SPAG16: variants seen among roughly 807,000 people sequenced by gnomAD.
SPAG16 encodes sperm-associated antigen 16 protein.
In SPAG16, 86 loss-of-function variants were observed where a neutral mutation model predicts 80.4. The observed-to-expected ratio is 1.07, with a 90% CI of 0.90 to 1.28. The LOEUF is 1.28. Ranked by LOEUF, SPAG16 falls within the 50% of genes most tolerant of loss-of-function variation. The pLI, the probability that SPAG16 is intolerant of heterozygous loss-of-function variation, is 0.00. For synonymous variants in SPAG16, 294 were observed against 265.9 expected (o/e 1.11, Z -1.03); for missense variants, 870 against 765.3 (o/e 1.14, Z -1.61).
chr2:213,757,458 A>G (rs2068405301), intron 10 of SPAG16, among the ~76,000 whole-genome samples: 1 of 152,188 alleles, frequency 6.6e-6, no homozygotes, highest in African/African-American at 2.4e-5. Flanking sequence ...GGATATTACA[A>G]AATTACAGTA....
At position 214,039,637 on chromosome 2, in the gene SPAG16, T is replaced by G. The variant is rs141241297; in HGVS notation, c.1527+25560T>G. 5.3e-4 allele frequency among the ~76,000 whole-genome samples: 80 copies of G among 152,320 alleles called. 1 individual carries two copies. The East Asian group carries it at 0.013, about 25-fold the overall frequency. On this transcript the variant is annotated intron_variant, in intron 13 of 15. Coordinates refer to ENST00000331683, the MANE Select transcript of SPAG16 (RefSeq NM_024532.5). ...TTTCTTTGTTGGATTCTGTGGCACT[T>G]AAAACTGTTTTTCCATAGCATTGAT...
At chr2:214,243,166 T>A (rs1176305517) in intron 15 of SPAG16, among the ~76,000 whole-genome samples, 1 of 152,006 alleles carries the variant, frequency 6.6e-6, no homozygotes, top group Admixed American at 6.6e-5. Context: ...CTCTTTAGAG[T>A]GATAAATGAG....
chr2:214,275,013 G>C (rs774111087), intron 15 of SPAG16, among the ~76,000 whole-genome samples: 1 of 152,076 alleles, frequency 6.6e-6, no homozygotes, highest in Non-Finnish European at 1.5e-5. Context: ...CTTCTTCCTG[G>C]TTTAGTGTTG....
At chr2:213,527,861 G>A (rs564615915) in intron 10 of SPAG16, among the ~76,000 whole-genome samples, 2 of 152,048 alleles carry the variant, frequency 1.3e-5, no homozygotes, top group Non-Finnish European at 2.9e-5. Context: ...GCAGCACATA[G>A]AAGTTTTCTA....
chr2:214,310,389 C>A (rs1695210342), intron 15 of SPAG16, among the ~76,000 whole-genome samples: 2 of 152,148 alleles, frequency 1.3e-5, no homozygotes, highest in African/African-American at 4.8e-5. Context: ...TGAGCCAATT[C>A]ACTCTCTTCT....
chr2:213,776,043 G>T (rs1280409530), intron 10 of SPAG16, among the ~76,000 whole-genome samples: 1 of 152,176 alleles, frequency 6.6e-6, no homozygotes, highest in Non-Finnish European at 1.5e-5. Flanking sequence ...ATTATTTTGT[G>T]TGTAGTTACA....
At chr2:213,455,997 T>G (rs2071987256) in intron 9 of SPAG16, among the ~76,000 whole-genome samples, 1 of 152,214 alleles carries the variant, frequency 6.6e-6, no homozygotes, top group African/African-American at 2.4e-5. Context: ...GGGAATAAGC[T>G]TGTCCATTCC....
In SPAG16 at chr2:213,721,419, T is replaced by C. The variant is rs540762881; in HGVS notation, c.1071-141066T>C. 2.0e-5 allele frequency among the ~76,000 whole-genome samples: 3 copies of C among 152,344 alleles called. No individual in the cohort carries two copies. In the East Asian group the frequency reaches 5.8e-4, roughly 29 times the overall value. On this transcript the variant is annotated intron_variant, in intron 10 of 15. Transcript: ENST00000331683. Reference sequence around the variant, plus strand: ...TGGCCTATAATTCCAATTTTAGCAGTATATCTTGCTAATCAACCAAAAGGA... The same window carrying C: ...TGGCCTATAATTCCAATTTTAGCAGCATATCTTGCTAATCAACCAAAAGGA...
chr2:214,247,957 G>A (rs1230636528), intron 15 of SPAG16, among the ~76,000 whole-genome samples: 1 of 152,068 alleles, frequency 6.6e-6, no homozygotes, highest in East Asian at 1.9e-4. Context: ...GAGTCTAGGA[G>A]GTTGACGCTG....
At chr2:213,840,800 A>G (rs2074325193) in intron 10 of SPAG16, among the ~76,000 whole-genome samples, 1 of 152,148 alleles carries the variant, frequency 6.6e-6, no homozygotes, top group Non-Finnish European at 1.5e-5. Context: ...ATGGAAGCAG[A>G]ACAAGGAAGT....
chr2:213,418,896 G>A lies in SPAG16; in HGVS notation c.942+43777G>A, dbSNP rs561984914. Among the ~76,000 whole-genome samples the A allele has an allele frequency of 2.6e-5, 4 of 152,188 alleles. No homozygotes were observed. In the South Asian group the frequency reaches 6.2e-4, roughly 24 times the overall value. Reference sequence around the variant, plus strand: ...AGAATTCTGGGAGCATTGCTTAGGGGCACCATCAACTATACAAATTACTGA... The same window carrying A: ...AGAATTCTGGGAGCATTGCTTAGGGACACCATCAACTATACAAATTACTGA... On this transcript the variant is annotated intron_variant, in intron 9 of 15. Coordinates refer to ENST00000331683, the MANE Select transcript of SPAG16 (RefSeq NM_024532.5).
At chr2:213,374,663 A>T (rs1313810665) in intron 8 of SPAG16, among the ~76,000 whole-genome samples, 1 of 151,902 alleles carries the variant, frequency 6.6e-6, no homozygotes, top group African/African-American at 2.4e-5. Flanking sequence ...ATCTAGTTTC[A>T]TGTGGGAAGT....
At chr2:213,775,930 C>A (rs1271443694) in intron 10 of SPAG16, among the ~76,000 whole-genome samples, 1 of 152,164 alleles carries the variant, frequency 6.6e-6, no homozygotes, top group East Asian at 1.9e-4. Context: ...TGTTAGTAAA[C>A]CCCTAATAAA....
At chr2:213,640,862 AGTTG>A (rs1451954724) in intron 10 of SPAG16, among the ~76,000 whole-genome samples, 1 of 152,124 alleles carries the variant, frequency 6.6e-6, no homozygotes, top group East Asian at 1.9e-4. Flanking sequence ...TAATGGCTTG[AGTTG>A]GTTGGCCTTC....
intron 11 of SPAG16, among the ~76,000 whole-genome samples, chr2:213,864,302 A>T (rs560772546): frequency 1.5e-4 from 23 of 152,274 alleles, no homozygotes; most frequent in Admixed American, 1.5e-3. Flanking sequence ...GTAATATTTG[A>T]CTTTTGCTTT....
At chr2:213,446,093 C>T (rs144662804) in intron 9 of SPAG16, among the ~76,000 whole-genome samples, 6 of 152,264 alleles carry the variant, frequency 3.9e-5, no homozygotes, top group Middle Eastern at 3.4e-3. Flanking sequence ...GCAGAAAGGC[C>T]GATTCCAAAG....
Position 214,410,169 on chromosome 2 carries a change from G to A in SPAG16, c.1750G>A (p.Gly584Ser). 6.2e-7 allele frequency: 1 copy of A among 1,613,788 alleles called. No homozygotes were observed. Among genetic ancestry groups the A allele is most frequent in the Non-Finnish European group, 8.5e-7 (1 of 1,179,730 alleles). The stretch of plus-strand genomic sequence containing the variant: ...AGTTTTAGCTCAGGCAAGTGGCAAT[G>A]GTGTTATCCATTTGCTAGATCTTAA... ...GRVLAQASGNGVIHLLDLKSG... is the reference protein window; with the variant it reads ...GRVLAQASGNSVIHLLDLKSG... Residue 584 changes from glycine (G) to serine (S), a missense_variant, in exon 16 of 16, where the codon GGT becomes AGT. Physicochemically the swap from Gly to Ser is moderately conservative, Grantham distance 56 (BLOSUM62 0). Transcript: ENST00000331683.
intron 15 of SPAG16, among the ~76,000 whole-genome samples, chr2:214,168,737 G>A (rs1254088565): frequency 6.6e-6 from 1 of 152,100 alleles, no homozygotes; most frequent in Non-Finnish European, 1.5e-5. Context: ...AGAGGTCCAC[G>A]TGATTAGAGT....
chr2:213,658,587 G>A (rs1380002243), intron 10 of SPAG16, among the ~76,000 whole-genome samples: 1 of 152,132 alleles, frequency 6.6e-6, no homozygotes, highest in African/African-American at 2.4e-5. Context: ...TTTTATAGGT[G>A]AGGCAACTGA....
Sources: allele counts gnomAD v4.1 joint callset (sites outside exome capture counted in the v4.1 genomes callset), GRCh38; gene constraint gnomAD v4.1.1; transcripts MANE v1.5; gene names NCBI Gene and HGNC (gene_info 2026-07-23, HGNC 2026-07-21).